CEP128: variants seen among roughly 807,000 people sequenced by gnomAD.
The protein encoded by CEP128 is centrosomal protein 128kDa.
Under a neutral mutation model 156.7 loss-of-function variants are expected in CEP128, and 132 were observed. The observed-to-expected ratio is 0.84, with a 90% CI of 0.73 to 0.97. The LOEUF is 0.97. CEP128 is among the 50% of genes least tolerant of loss of function. The probability of loss-of-function intolerance (pLI) is 0.00; values close to 1 mark genes in which losing one functional copy is unlikely to be tolerated. For synonymous variants in CEP128, 469 were observed against 448.9 expected (o/e 1.04, Z -0.57); for missense variants, 1,252 against 1,281.9 (o/e 0.98, Z 0.36).
chr14:80,687,778 T>C (rs2139289894), intron 19 of CEP128, among the ~76,000 whole-genome samples: 1 of 152,290 alleles, frequency 6.6e-6, no homozygotes, highest in African/African-American at 2.4e-5. Flanking sequence ...AAGGTAATAC[T>C]GAACTCTCCC....
At chr14:80,813,537 A>AT (rs1242502536) in intron 13 of CEP128, among the ~76,000 whole-genome samples, 3 of 151,712 alleles carry the variant, frequency 2.0e-5, no homozygotes, top group African/African-American at 7.3e-5. Flanking sequence ...CAATTGTTTT[A>AT]TTTTCTCCTG....
At chr14:80,782,540 C>T (rs1397458405) in intron 15 of CEP128, among the ~76,000 whole-genome samples, 2 of 152,174 alleles carry the variant, frequency 1.3e-5, no homozygotes, top group African/African-American at 4.8e-5. Context: ...TTTCTTGGTG[C>T]ACTACTGTCC....
intron 22 of CEP128, among the ~76,000 whole-genome samples, chr14:80,528,733 T>C (rs2371353): frequency 0.78 from 117,965 of 152,138 alleles, 47,967 homozygotes; most frequent in Middle Eastern, 0.9. Context: ...AGAGATAATA[T>C]TGTTCAGGTG....
At chr14:80,817,346 G>C (rs893504174) in intron 13 of CEP128, among the ~76,000 whole-genome samples, 1 of 152,144 alleles carries the variant, frequency 6.6e-6, no homozygotes. Flanking sequence ...AAATAGGAAA[G>C]TGTGACTTAT....
intron 19 of CEP128, among the ~76,000 whole-genome samples, chr14:80,705,282 TTGTG>T (rs150297420): frequency 3.3e-5 from 5 of 150,828 alleles, no homozygotes; most frequent in South Asian, 2.1e-4. Context: ...TTTATTCCAC[TTGTG>T]TGTGTGTGTG....
intron 20 of CEP128, among the ~76,000 whole-genome samples, chr14:80,574,851 G>A (rs1471032587): frequency 1.9e-4 from 29 of 151,972 alleles, no homozygotes. Context: ...TCTAACACCT[G>A]TCCCTCCACC....
At chr14:80,688,111 G>A (rs1344214815) in intron 19 of CEP128, among the ~76,000 whole-genome samples, 1 of 151,830 alleles carries the variant, frequency 6.6e-6, no homozygotes, top group Non-Finnish European at 1.5e-5. Flanking sequence ...CCTTGCTATG[G>A]TCCCAATTTA....
intron 21 of CEP128, among the ~76,000 whole-genome samples, chr14:80,533,712 CCTCA>C (rs1566762598): frequency 6.6e-6 from 1 of 152,068 alleles, no homozygotes; most frequent in Admixed American, 6.5e-5. Flanking sequence ...CTTTATACTT[CCTCA>C]CTATTTATTT....
chr14:80,652,940 T>G (rs926109941), intron 19 of CEP128, among the ~76,000 whole-genome samples: 1 of 152,118 alleles, frequency 6.6e-6, no homozygotes, highest in African/African-American at 2.4e-5. Context: ...GAACCAACCC[T>G]AATGCCCATT....
At chr14:80,803,777 A>G (rs1884013432) in intron 13 of CEP128, among the ~76,000 whole-genome samples, 2 of 152,212 alleles carry the variant, frequency 1.3e-5, no homozygotes, top group Admixed American at 1.3e-4. Flanking sequence ...TGGAAAATCA[A>G]TTATTTGTAA....
At chr14:80,719,343 T>C (rs886629832) in intron 19 of CEP128, among the ~76,000 whole-genome samples, 2 of 152,182 alleles carry the variant, frequency 1.3e-5, no homozygotes, top group African/African-American at 4.8e-5. Context: ...CCCCAAGCAG[T>C]ACCATTTAAT....
intron 23 of CEP128, among the ~76,000 whole-genome samples, chr14:80,520,735 A>G (rs1016905072): frequency 4.6e-5 from 7 of 152,288 alleles, no homozygotes; most frequent in African/African-American, 1.4e-4. Context: ...AAAATGTGCC[A>G]TTGACATAAG....
At chr14:80,722,383 C>A (rs543103341) in intron 19 of CEP128, among the ~76,000 whole-genome samples, 17 of 152,200 alleles carry the variant, frequency 1.1e-4, no homozygotes, top group Non-Finnish European at 7.4e-5. Context: ...TATTGTGAGA[C>A]CCCATTCTAA....
At chr14:80,580,097 A>G (rs1369228598) in intron 20 of CEP128, among the ~76,000 whole-genome samples, 1 of 152,196 alleles carries the variant, frequency 6.6e-6, no homozygotes, top group Non-Finnish European at 1.5e-5. Context: ...TGACTATGAA[A>G]GGATACTGCC....
At chr14:80,723,466 C>G (rs1228804770) in intron 19 of CEP128, among the ~76,000 whole-genome samples, 1 of 152,074 alleles carries the variant, frequency 6.6e-6, no homozygotes, top group East Asian at 1.9e-4. Context: ...AAGTTATTTG[C>G]CTCAAAAATA....
chr14:80,746,271 A>G (rs1018389114), intron 18 of CEP128, among the ~76,000 whole-genome samples: 3 of 152,190 alleles, frequency 2.0e-5, no homozygotes, highest in African/African-American at 7.2e-5. Context: ...AATTTCCAAA[A>G]TAGCCAAAAA....
At chr14:80,720,302 T>A (rs1420230226) in intron 19 of CEP128, among the ~76,000 whole-genome samples, 1 of 152,150 alleles carries the variant, frequency 6.6e-6, no homozygotes, top group African/African-American at 2.4e-5. Context: ...AAAACTGGGA[T>A]GTTTCCCTAA....
chr14:80,529,334 A>G (rs1465773206), intron 22 of CEP128, among the ~76,000 whole-genome samples: 1 of 152,238 alleles, frequency 6.6e-6, no homozygotes, highest in Non-Finnish European at 1.5e-5. Context: ...AAAAAATTTT[A>G]CTATTTAGGC....
chr14:80,695,574 G>A (rs149082495), intron 19 of CEP128, among the ~76,000 whole-genome samples: 60 of 151,960 alleles, frequency 3.9e-4, no homozygotes, highest in African/African-American at 1.1e-3. Flanking sequence ...AAAATTAGCC[G>A]GGCGTGGTGG....
Sources: gnomAD v4.1 joint callset for allele counts (sites outside exome capture counted in the v4.1 genomes callset) on GRCh38, gnomAD v4.1.1 for gene constraint, MANE v1.5 for transcripts, NCBI Gene and HGNC (gene_info 2026-07-23, HGNC 2026-07-21) for gene names.